The following DLG2 variants were observed in gnomAD, a reference collection of about 807,000 sequenced individuals.
The protein encoded by DLG2 is discs large MAGUK scaffold protein 2.
In DLG2, 45 loss-of-function variants were observed where a neutral mutation model predicts 132.5. The ratio of observed to expected loss-of-function variants is 0.34; its 90% CI spans 0.27 to 0.44. The LOEUF is 0.44. Ranked by LOEUF, DLG2 falls within the 20% of genes least tolerant of loss-of-function variation. The pLI, the probability that DLG2 is intolerant of heterozygous loss-of-function variation, is 1.00. For synonymous variants in DLG2, 424 were observed against 419.6 expected (o/e 1.01, Z -0.13); for missense variants, 1,045 against 1,196.9 (o/e 0.87, Z 1.87).
At chr11:85,563,710 A>G (rs1449440072) in intron 3 of DLG2, among the ~76,000 whole-genome samples, 3 of 147,320 alleles carry the variant, frequency 2.0e-5, no homozygotes, top group Non-Finnish European at 3.1e-5. Flanking sequence ...AAACTGGTTT[A>G]TCTGTTCACC....
chr11:85,262,751 A>G (rs1370638926), intron 4 of DLG2, among the ~76,000 whole-genome samples: 1 of 152,180 alleles, frequency 6.6e-6, no homozygotes, highest in Non-Finnish European at 1.5e-5. Context: ...TGGTCTGGTG[A>G]TACTTTCCAG....
intron 6 of DLG2, among the ~76,000 whole-genome samples, chr11:84,798,053 T>C (rs1398680678): frequency 6.6e-6 from 1 of 152,140 alleles, no homozygotes; most frequent in Non-Finnish European, 1.5e-5. Context: ...CTGAGCCACC[T>C]GGAGCTGGGG....
intron 4 of DLG2, among the ~76,000 whole-genome samples, chr11:85,244,894 T>C (rs1367607732): frequency 6.6e-6 from 1 of 151,936 alleles, no homozygotes; most frequent in African/African-American, 2.4e-5. Flanking sequence ...CAATTTCTCA[T>C]TTATCACAAG....
chr11:84,374,780 T>C (rs1195434852), intron 7 of DLG2, among the ~76,000 whole-genome samples: 3 of 152,096 alleles, frequency 2.0e-5, no homozygotes, highest in African/African-American at 7.2e-5. Context: ...ATCAAAACCT[T>C]TGCTGGACAC....
chr11:85,563,055 G>C (rs2077341728), intron 3 of DLG2, among the ~76,000 whole-genome samples: 1 of 151,674 alleles, frequency 6.6e-6, no homozygotes, highest in Non-Finnish European at 1.5e-5. Flanking sequence ...AGCACCTGTT[G>C]TGGGTATTAA....
chr11:85,282,182 T>C (rs914086493), intron 4 of DLG2, among the ~76,000 whole-genome samples: 2 of 151,748 alleles, frequency 1.3e-5, no homozygotes, highest in African/African-American at 4.8e-5. Context: ...AGATGGAAAG[T>C]TGAATGATGG....
Position 84,731,917 on chromosome 11 carries a change from A to G in DLG2, c.358-197186T>C, listed in dbSNP as rs181266911. ...TTCAAACGTTTCCACGTGCCCCTTT[A>G]TAACCTCTACCCCTCATACTCTTTC... On this transcript the variant is annotated intron_variant, in intron 6 of 27. Coordinates refer to ENST00000376104, the MANE Select transcript of DLG2 (RefSeq NM_001142699.3). Among the ~76,000 whole-genome samples the G allele has an allele frequency of 7.9e-5, 12 of 152,086 alleles. No homozygotes were observed. The East Asian group carries it at 2.3e-3, about 29-fold the overall frequency.
intron 21 of DLG2, among the ~76,000 whole-genome samples, chr11:83,488,922 A>T (rs1365568229): frequency 6.6e-6 from 1 of 152,054 alleles, no homozygotes; most frequent in African/African-American, 2.4e-5. Context: ...TGTAACAAAG[A>T]GGGGTTAAGG....
chr11:84,119,755 G>A (rs989609036), intron 9 of DLG2, among the ~76,000 whole-genome samples: 8 of 152,050 alleles, frequency 5.3e-5, no homozygotes, highest in East Asian at 1.9e-4. Context: ...AAGAGTATAC[G>A]AATCTTTTTA....
intron 16 of DLG2, among the ~76,000 whole-genome samples, chr11:83,838,714 T>C (rs1488482645): frequency 6.6e-6 from 1 of 151,996 alleles, no homozygotes; most frequent in African/African-American, 2.4e-5. Flanking sequence ...GTTTAGAGAA[T>C]GGGCTTCTTT....
Position 85,465,117 on chromosome 11 carries a change from A to G in DLG2, c.40+133540T>C, listed in dbSNP as rs7952090. ...AAAAAAAAAAAAAAAAAAAAAAAAA[A>G]AAGAAGCAAGATGGAGTCAACAATA... On this transcript the variant is annotated intron_variant, in intron 3 of 27. Transcript: ENST00000376104. Among the ~76,000 whole-genome samples, 84 of 131,060 alleles carry G rather than the reference A, an allele frequency of 6.4e-4. 2 individuals are homozygous for G. The highest frequency in any genetic ancestry group is 2.3e-3 in the African/African-American group (76 of 33,314). The allele number at this position is 131,060 out of a possible 152,430, so 86.0% of individuals were successfully genotyped here.
chr11:85,314,264 G>C (rs2080499936), intron 3 of DLG2, among the ~76,000 whole-genome samples: 1 of 151,744 alleles, frequency 6.6e-6, no homozygotes, highest in African/African-American at 2.4e-5. Context: ...AAATATTTCT[G>C]TCTAACACGA....
At chr11:85,550,451 TC>T (rs1253554099) in intron 3 of DLG2, among the ~76,000 whole-genome samples, 1 of 152,162 alleles carries the variant, frequency 6.6e-6, no homozygotes, top group Non-Finnish European at 1.5e-5. Context: ...ACCTGCGTGC[TC>T]CCTCCTGCAA....
chr11:85,550,783 C>G (rs1270710481), intron 3 of DLG2, among the ~76,000 whole-genome samples: 1 of 152,178 alleles, frequency 6.6e-6, no homozygotes, highest in African/African-American at 2.4e-5. Context: ...CTCTCCAGTT[C>G]AAGAACAGTT....
chr11:84,229,489 G>C (rs934626632), intron 8 of DLG2, among the ~76,000 whole-genome samples: 4 of 152,208 alleles, frequency 2.6e-5, no homozygotes, highest in Admixed American at 2.6e-4. Context: ...ATGTAGCGTT[G>C]TGATATAGAA....
At chr11:84,827,049 G>A (rs2078412416) in intron 6 of DLG2, among the ~76,000 whole-genome samples, 1 of 151,734 alleles carries the variant, frequency 6.6e-6, no homozygotes, top group Non-Finnish European at 1.5e-5. Flanking sequence ...GCACTGTGGT[G>A]TGGTACGGCC....
At chr11:85,170,094 G>A (rs2078734208) in intron 4 of DLG2, among the ~76,000 whole-genome samples, 1 of 152,150 alleles carries the variant, frequency 6.6e-6, no homozygotes. Flanking sequence ...ATGGCAGCGA[G>A]CCATCATAAG....
intron 3 of DLG2, among the ~76,000 whole-genome samples, chr11:85,463,952 T>C (rs2092697124): frequency 6.9e-6 from 1 of 144,086 alleles, no homozygotes; most frequent in Non-Finnish European, 1.5e-5. Context: ...TATACTGTAC[T>C]ATTTAATATA....
chr11:83,513,844 T>A (rs570889767), intron 21 of DLG2, among the ~76,000 whole-genome samples: 1 of 152,222 alleles, frequency 6.6e-6, no homozygotes, highest in Non-Finnish European at 1.5e-5. Context: ...GTTGTAGATA[T>A]GTGGCATTAT....
Sources: gnomAD v4.1 joint callset for allele counts (sites outside exome capture counted in the v4.1 genomes callset) on GRCh38, gnomAD v4.1.1 for gene constraint, MANE v1.5 for transcripts, NCBI Gene and HGNC (gene_info 2026-07-23, HGNC 2026-07-21) for gene names.